The following CDHR1 variants were observed in gnomAD, a reference collection of about 807,000 sequenced individuals.
CDHR1 encodes the protein cadherin related family member 1.
A neutral mutation model predicts 72.1 loss-of-function variants in CDHR1; 61 were observed. That is an observed-to-expected ratio of 0.85 (90% confidence interval 0.69 to 1.05). CDHR1 has a LOEUF of 1.05. Among genes scored for constraint, CDHR1 ranks in the 50% least tolerant of loss-of-function variants. CDHR1 has a pLI of 0.00. For missense variants in CDHR1, 1,186 were observed against 1,115.7 expected (o/e 1.06, Z -0.90); for synonymous variants, 470 against 448.1 (o/e 1.05, Z -0.62).
At chr10:84,202,004 C>A in intron 7 of CDHR1, 84 bp downstream of exon 7, 1 of 965,712 alleles carries the variant, frequency 1.0e-6, no homozygotes, top group Non-Finnish European at 1.6e-6. Flanking sequence ...GGAGTGGGAG[C>A]AGTTTGGAGA....
At position 84,218,274 on chromosome 10, in the gene CDHR1, G is replaced by A; in HGVS notation, c.*3653G>A. On this transcript the variant is annotated 3_prime_UTR_variant, in exon 17 of 17. Transcript: ENST00000623527. Reference sequence around the variant, plus strand: ...CTAGTTTCCAGAATGAGGCGGTCATGGCTTAAGCGACCATCATTTGATCAA... The same window carrying A: ...CTAGTTTCCAGAATGAGGCGGTCATAGCTTAAGCGACCATCATTTGATCAA... The A allele has an allele frequency of 1.0e-6, 1 of 985,444 alleles. No homozygotes were observed. 61.0% of individuals were successfully genotyped at this position (985,444 alleles called of 1,614,324 possible).
At chr10:84,214,042 G>A (rs756475425) in intron 16 of CDHR1, 40 bp from the exon 17 acceptor site, 23 of 1,613,732 alleles carry the variant, frequency 1.4e-5, no homozygotes, top group Non-Finnish European at 1.8e-5. Context: ...CAGGGACCAG[G>A]TGGGAACAGC....
Position 84,216,849 on chromosome 10 carries a change from G to A in CDHR1, c.*2228G>A, listed in dbSNP as rs1842433519. Reference sequence around the variant, plus strand: ...TCTCCCACCCTACCAGTGCAGCCCGGCAAGGGCAGGAATTGGGAGGCCTAG... The same window carrying A: ...TCTCCCACCCTACCAGTGCAGCCCGACAAGGGCAGGAATTGGGAGGCCTAG... On this transcript the variant is annotated 3_prime_UTR_variant, in exon 17 of 17. Coordinates refer to ENST00000623527, the MANE Select transcript of CDHR1 (RefSeq NM_033100.4). The A allele has an allele frequency of 9.1e-6, 9 of 985,532 alleles. No individual in the cohort carries two copies. Among genetic ancestry groups the A allele is most frequent in the Non-Finnish European group, 1.1e-5 (9 of 829,970 alleles). 61.0% of individuals were successfully genotyped at this position (985,532 alleles called of 1,614,324 possible).
At position 84,214,501 on chromosome 10, in the gene CDHR1, G is replaced by A. The variant is rs1213422138; in HGVS notation, c.2460G>A (p.Pro820=). 9.3e-6 allele frequency: 15 copies of A among 1,606,006 alleles called. No homozygotes were observed. Among genetic ancestry groups the A allele is most frequent in the South Asian group, 1.1e-5 (1 of 91,058 alleles). The change falls in exon 17 of 17, where the codon CCG becomes CCA. Residue 820 remains proline, a synonymous_variant. Transcript: ENST00000623527. Reference sequence around the variant, plus strand: ...CTACTGTCTCTGGCTCTCTCACTCCGCAGCCGACCCAACCCCCGCCAAAAC... The same window carrying A: ...CTACTGTCTCTGGCTCTCTCACTCCACAGCCGACCCAACCCCCGCCAAAAC... ...TVPTVSGSLT[P]QPTQPPPKPK...
chr10:84,202,773 C>T (rs1256206672), intron 7 of CDHR1, among the ~76,000 whole-genome samples: 3 of 152,216 alleles, frequency 2.0e-5, no homozygotes, highest in Admixed American at 2.0e-4. Context: ...GAACTAACCC[C>T]ACTTGCAAAG....
Position 84,211,097 on chromosome 10 carries a change from G to A in CDHR1, c.1417G>A (p.Asp473Asn), listed in dbSNP as rs202085286. Residue 473 changes from aspartate (D) to asparagine (N), a missense_variant, in exon 13 of 17, where the codon GAC becomes AAC. By Grantham distance (23) the Asp-to-Asn change is conservative (BLOSUM62 1). Transcript: ENST00000623527. ...CACCAATGACAATGTCCCCAAGTTCGACTCCCTCTACTACGTTGCCAGGAT... is the reference window on the plus strand; with the variant it reads ...CACCAATGACAATGTCCCCAAGTTCAACTCCCTCTACTACGTTGCCAGGAT... Reference protein sequence around the residue: ...LDTNDNVPKFDSLYYVARIPE... With the variant: ...LDTNDNVPKFNSLYYVARIPE... 38 of 1,614,202 alleles carry A rather than the reference G, an allele frequency of 2.4e-5. No individual in the cohort carries two copies. The highest frequency in any genetic ancestry group is 1.6e-4 in the Middle Eastern group (1 of 6,062).
chr10:84,199,707 A>G (rs1219953740), intron 5 of CDHR1, among the ~76,000 whole-genome samples: 1 of 152,190 alleles, frequency 6.6e-6, no homozygotes, highest in Non-Finnish European at 1.5e-5. Flanking sequence ...ATTAATTAGG[A>G]TTCTTTCCTT....
chr10:84,202,971 C>A lies in CDHR1; in HGVS notation c.640-9C>A, dbSNP rs1270345231. The A allele has an allele frequency of 1.3e-5, 21 of 1,614,226 alleles. No homozygotes were observed. In the East Asian group the frequency reaches 4.5e-4, roughly 34 times the overall value. Reference sequence around the variant, plus strand: ...CTTCACTCTCCTGTGGCCTCCGATTCTTCTGCAGGATGGCGGTGGGAGGCT... The same window carrying A: ...CTTCACTCTCCTGTGGCCTCCGATTATTCTGCAGGATGGCGGTGGGAGGCT... On this transcript the variant is annotated splice_polypyrimidine_tract_variant and intron_variant, in intron 7 of 16. Coordinates refer to ENST00000623527, the MANE Select transcript of CDHR1 (RefSeq NM_033100.4).
intron 9 of CDHR1, 43 bp downstream of exon 9, chr10:84,204,648 G>C (rs1383896222): frequency 5.2e-6 from 7 of 1,351,706 alleles, no homozygotes; most frequent in Non-Finnish European, 7.4e-6. Context: ...TGACTCTCTA[G>C]GTGACCAGAG....
At position 84,214,716 on chromosome 10, in the gene CDHR1, C is replaced by G; in HGVS notation, c.*95C>G. The G allele has an allele frequency of 1.3e-6, 2 of 1,587,576 alleles. No individual in the cohort carries two copies. The highest frequency in any genetic ancestry group is 1.7e-6 in the Non-Finnish European group (2 of 1,174,310). ...CCCCTTCCTCTGCTCCTTAAGGTCA[C>G]TGACCCCTGTTTTGCACAATGGTAT... On this transcript the variant is annotated 3_prime_UTR_variant, in exon 17 of 17. Coordinates refer to ENST00000623527, the MANE Select transcript of CDHR1 (RefSeq NM_033100.4).
chr10:84,203,867 G>T (rs1455354118), intron 8 of CDHR1, among the ~76,000 whole-genome samples: 1 of 152,192 alleles, frequency 6.6e-6, no homozygotes, highest in African/African-American at 2.4e-5. Flanking sequence ...GAGGAGCTAA[G>T]GGGAGGAGGT....
rs775316579 is a variant in CDHR1 at position 84,204,510 on chromosome 10, G to C, written c.784-17G>C. 11 of 1,596,664 alleles carry C rather than the reference G, an allele frequency of 6.9e-6. No individual in the cohort carries two copies. The highest frequency in any genetic ancestry group is 1.7e-5 in the Admixed American group (1 of 59,980). On this transcript the variant is annotated splice_polypyrimidine_tract_variant and intron_variant, in intron 8 of 16. Transcript: ENST00000623527. ...CCATATTGCCCATCAGGCAGCGGCT[G>C]TTCCTGTTTCCCCGAGGGCTCGGAG...
At chr10:84,205,514 T>TCACACA (rs33921515) in intron 9 of CDHR1, among the ~76,000 whole-genome samples, 8,123 of 145,036 alleles carry the variant, frequency 0.056, 303 homozygotes, top group African/African-American at 0.1. Flanking sequence ...TCTCTTTTCT[T>TCACACA]CACACACACA....
chr10:84,208,122 C>A, intron 10 of CDHR1, 52 bp from the exon 11 acceptor site: 1 of 1,504,124 alleles, frequency 6.6e-7, no homozygotes, highest in Non-Finnish European at 9.2e-7. Flanking sequence ...GGAGCTGGAC[C>A]ATATGAAGGG....
At chr10:84,199,257 C>T (rs576649201) in intron 5 of CDHR1, 136 bp downstream of exon 5, 50 of 729,614 alleles carry the variant, frequency 6.9e-5, no homozygotes, top group Non-Finnish European at 9.0e-5. Flanking sequence ...CTCCAACATT[C>T]GCTTTTATTC....
Position 84,208,204 on chromosome 10 carries a change from G to C in CDHR1, c.994G>C (p.Ala332Pro). ...VTEMSPAGSPAAQATVPVTIR... is the reference protein window; with the variant it reads ...VTEMSPAGSPPAQATVPVTIR... Reference sequence around the variant, plus strand: ...TGAAATGAGCCCTGCGGGGAGCCCAGCTGCCCAGGCCACCGTCCCAGTCAC... The same window carrying C: ...TGAAATGAGCCCTGCGGGGAGCCCACCTGCCCAGGCCACCGTCCCAGTCAC... Residue 332 changes from alanine to proline, a missense_variant, in exon 11 of 17, where the codon GCT becomes CCT. Physicochemically the swap from Ala to Pro is conservative, Grantham distance 27 (BLOSUM62 -1). Transcript: ENST00000623527. 2 of 1,614,164 alleles carry C rather than the reference G, an allele frequency of 1.2e-6. No individual in the cohort carries two copies. The highest frequency in any genetic ancestry group is 1.7e-6 in the Non-Finnish European group (2 of 1,180,036).
At chr10:84,208,417 G>T in intron 11 of CDHR1, 40 bp downstream of exon 11, 4 of 1,605,366 alleles carry the variant, frequency 2.5e-6, no homozygotes, top group Non-Finnish European at 3.4e-6. Flanking sequence ...CTCACAAACG[G>T]TATGAAGCCA....
In CDHR1 at chr10:84,208,737, T is replaced by C; in HGVS notation, c.1176T>C (p.Asn392=). The C allele has an allele frequency of 1.2e-6, 2 of 1,614,190 alleles. No individual in the cohort carries two copies. The highest frequency in any genetic ancestry group is 2.2e-5 in the East Asian group (1 of 44,894). The part of the protein sequence containing the change: ...ITVNDSDQGA[N]AKFNLQLVGP... ...CTCTCCAAATTCTCTAGGGAGCCAA[T>C]GCCAAATTCAACTTGCAGCTGGTGG... The change falls in exon 12 of 17, where the codon AAT becomes AAC. Residue 392 remains asparagine, a synonymous_variant. Transcript: ENST00000623527.
chr10:84,216,948 G>T lies in CDHR1; in HGVS notation c.*2327G>T. The T allele has an allele frequency of 1.0e-6, 1 of 985,468 alleles. No homozygotes were observed. Among genetic ancestry groups the T allele is most frequent in the South Asian group, 4.7e-5 (1 of 21,288 alleles). 61.0% of individuals were successfully genotyped at this position (985,468 alleles called of 1,614,324 possible). A position where few individuals can be genotyped will look rare whatever the true frequency, so the allele number is the denominator to read the frequency against. ...CTAAAGACCTCTAGGCTGGAAGCTT[G>T]GGCTTGCAAGTGGATCCGGGACCGA... is the stretch of plus-strand genomic sequence containing the variant. On this transcript the variant is annotated 3_prime_UTR_variant, in exon 17 of 17. Transcript: ENST00000623527.
Sources: gnomAD v4.1 joint callset for allele counts (sites outside exome capture counted in the v4.1 genomes callset) on GRCh38, gnomAD v4.1.1 for gene constraint, MANE v1.5 for transcripts, NCBI Gene and HGNC (gene_info 2026-07-23, HGNC 2026-07-21) for gene names.